The following SGCZ variants were observed in gnomAD, a reference collection of about 807,000 sequenced individuals.
SGCZ encodes sarcoglycan zeta, also known as zeta-sarcoglycan.
A neutral mutation model predicts 41.3 loss-of-function variants in SGCZ; 40 were observed. The observed-to-expected ratio is 0.97, with a 90% confidence interval of 0.75 to 1.26. The LOEUF is 1.26. Among genes scored for constraint, SGCZ ranks in the 50% most tolerant of loss-of-function variants. The probability of loss-of-function intolerance (pLI) is 0.00; values close to 1 mark genes in which losing one functional copy is unlikely to be tolerated. For missense variants in SGCZ, 552 were observed against 369.8 expected (o/e 1.49, Z -4.04); for synonymous variants, 206 against 137.5 (o/e 1.50, Z -3.49).
intron 1 of SGCZ, among the ~76,000 whole-genome samples, chr8:14,691,844 A>G (rs1808808715): frequency 6.6e-6 from 1 of 151,984 alleles, no homozygotes; most frequent in Non-Finnish European, 1.5e-5. Context: ...CAACACAAAA[A>G]TGTCACCCTA....
chr8:15,167,358 C>T (rs1023118257), intron 1 of SGCZ, among the ~76,000 whole-genome samples: 11 of 152,318 alleles, frequency 7.2e-5, no homozygotes, highest in African/African-American at 2.2e-4. Flanking sequence ...TCCTCATCTA[C>T]GTAGTCCCTG....
intron 2 of SGCZ, among the ~76,000 whole-genome samples, chr8:14,427,942 A>G (rs894953952): frequency 6.6e-6 from 1 of 152,152 alleles, no homozygotes; most frequent in African/African-American, 2.4e-5. Flanking sequence ...ATTAGGTATT[A>G]TAAGTAATCT....
At position 15,160,708 on chromosome 8, in the gene SGCZ, G is replaced by T. The variant is rs569870121; in HGVS notation, c.39+76877C>A. ...TCAGTAGGCATATGAGACTTAACAT[G>T]TCTAAACTAACTTTCCGATCTTCCC... On this transcript the variant is annotated intron_variant, in intron 1 of 7. Transcript: ENST00000382080. Among the ~76,000 whole-genome samples, 95 of 152,270 alleles carry T rather than the reference G, an allele frequency of 6.2e-4. 1 individual carries two copies. The highest frequency in any genetic ancestry group is 2.0e-3 in the Admixed American group (30 of 15,290).
chr8:15,177,466 A>G (rs534699305), intron 1 of SGCZ, among the ~76,000 whole-genome samples: 68 of 152,328 alleles, frequency 4.5e-4, no homozygotes, highest in African/African-American at 1.6e-3. Context: ...GTAAATGTTG[A>G]CAACATCAAC....
At chr8:14,589,390 G>T (rs1805169744) in intron 1 of SGCZ, among the ~76,000 whole-genome samples, 1 of 151,146 alleles carries the variant, frequency 6.6e-6, no homozygotes, top group South Asian at 2.1e-4. Flanking sequence ...AACCTACTGA[G>T]TTAGAACTCA....
intron 2 of SGCZ, among the ~76,000 whole-genome samples, chr8:14,347,152 A>G (rs1802915387): frequency 6.6e-6 from 1 of 152,116 alleles, no homozygotes; most frequent in African/African-American, 2.4e-5. Context: ...GAAAAAATCT[A>G]TGAGAAAAAC....
At chr8:14,748,517 C>T (rs1328070662) in intron 1 of SGCZ, among the ~76,000 whole-genome samples, 1 of 152,134 alleles carries the variant, frequency 6.6e-6, no homozygotes, top group Non-Finnish European at 1.5e-5. Flanking sequence ...GACTCCCTTA[C>T]AAAATATGAC....
intron 1 of SGCZ, among the ~76,000 whole-genome samples, chr8:14,871,966 C>A (rs955907838): frequency 2.0e-5 from 3 of 151,110 alleles, no homozygotes; most frequent in Admixed American, 6.6e-5. Flanking sequence ...AGGACATATA[C>A]ACCATGGAAC....
chr8:14,157,492 A>G (rs903694931), intron 5 of SGCZ, among the ~76,000 whole-genome samples: 5 of 150,792 alleles, frequency 3.3e-5, no homozygotes, highest in African/African-American at 1.2e-4. Flanking sequence ...CAGGAGACTT[A>G]AGTGTTTGGT....
chr8:14,813,503 A>C (rs1801798322), intron 1 of SGCZ, among the ~76,000 whole-genome samples: 1 of 152,206 alleles, frequency 6.6e-6, no homozygotes, highest in Non-Finnish European at 1.5e-5. Context: ...TATTTTGTTC[A>C]ATAAAATGAA....
At chr8:15,127,045 G>C (rs985733864) in intron 1 of SGCZ, among the ~76,000 whole-genome samples, 1 of 152,142 alleles carries the variant, frequency 6.6e-6, no homozygotes, top group African/African-American at 2.4e-5. Flanking sequence ...TGGCTGGAAT[G>C]CATAAGGATT....
At chr8:14,522,980 T>C (rs1169804902) in intron 2 of SGCZ, among the ~76,000 whole-genome samples, 1 of 151,936 alleles carries the variant, frequency 6.6e-6, no homozygotes, top group African/African-American at 2.4e-5. Flanking sequence ...CTTTGTATAA[T>C]ATTTTGGAGG....
chr8:14,688,023 C>A (rs1041369228), intron 1 of SGCZ, among the ~76,000 whole-genome samples: 1 of 152,092 alleles, frequency 6.6e-6, no homozygotes, highest in Non-Finnish European at 1.5e-5. Flanking sequence ...ATGTCCTTCG[C>A]CCACTTTTTG....
intron 1 of SGCZ, among the ~76,000 whole-genome samples, chr8:15,102,957 T>G (rs1039958576): frequency 3.3e-5 from 5 of 152,164 alleles, no homozygotes; most frequent in African/African-American, 1.2e-4. Context: ...CTAAGGAATT[T>G]ACTATTTTTC....
intron 2 of SGCZ, among the ~76,000 whole-genome samples, chr8:14,429,147 G>C (rs1789202639): frequency 6.6e-6 from 1 of 152,182 alleles, no homozygotes; most frequent in African/African-American, 2.4e-5. Flanking sequence ...CTACATCCTT[G>C]TGGGCTGATA....
intron 1 of SGCZ, among the ~76,000 whole-genome samples, chr8:14,648,877 G>A (rs573984974): frequency 6.6e-6 from 1 of 152,012 alleles, no homozygotes. Context: ...TTTTACTGCT[G>A]GCATATATTC....
intron 2 of SGCZ, among the ~76,000 whole-genome samples, chr8:14,409,914 T>A (rs972567970): frequency 6.6e-6 from 1 of 152,088 alleles, no homozygotes; most frequent in Non-Finnish European, 1.5e-5. Context: ...GGTAAAAATG[T>A]CTTTGAAAAT....
intron 2 of SGCZ, among the ~76,000 whole-genome samples, chr8:14,513,303 G>T (rs1487230515): frequency 6.6e-6 from 1 of 152,080 alleles, no homozygotes; most frequent in Non-Finnish European, 1.5e-5. Flanking sequence ...CTCCCAAAGT[G>T]CTGGAATTAC....
intron 2 of SGCZ, among the ~76,000 whole-genome samples, chr8:14,442,018 G>T (rs926616543): frequency 6.6e-6 from 1 of 152,154 alleles, no homozygotes; most frequent in Non-Finnish European, 1.5e-5. Flanking sequence ...TCCCCTGCTG[G>T]GGATAACACT....
Sources: allele counts gnomAD v4.1 joint callset (sites outside exome capture counted in the v4.1 genomes callset), GRCh38; gene constraint gnomAD v4.1.1; transcripts MANE v1.5; gene names NCBI Gene and HGNC (gene_info 2026-07-23, HGNC 2026-07-21).